Variants in ZNF528 observed in about 807,000 individuals in gnomAD.
ZNF528 encodes the protein zinc finger protein 528.
A neutral mutation model predicts 13.3 loss-of-function variants in ZNF528; 9 were observed. The ratio of observed to expected loss-of-function variants is 0.67; its 90% CI spans 0.41 to 1.18. The LOEUF is 1.18. ZNF528 is among the 50% of genes most tolerant of loss of function. The pLI is 0.01. For synonymous variants in ZNF528, 264 were observed against 254.3 expected (o/e 1.04, Z -0.36); for missense variants, 858 against 745.4 (o/e 1.15, Z -1.76).
rs545560687 is a variant in ZNF528 at position 52,414,239 on chromosome 19, C to T, written c.272-885C>T. ...CCAGCAGAACCTTCTTTGTTCACGT[C>T]CTCAAAGTCCTATGTTCGGAGGCCA... On this transcript the variant is annotated intron_variant, in intron 6 of 6. Coordinates refer to ENST00000360465, the MANE Select transcript of ZNF528 (RefSeq NM_032423.3). 64 of 702,574 alleles carry T rather than the reference C, an allele frequency of 9.1e-5. No homozygotes were observed. The African/African-American group carries it at 1.1e-3, about 12-fold the overall frequency. The allele number at this position is 702,574 out of a possible 1,614,324, so 43.5% of individuals were successfully genotyped here.
At chr19:52,414,331 C>T (rs906265161) in intron 6 of ZNF528, 4 of 702,268 alleles carry the variant, frequency 5.7e-6, no homozygotes, top group African/African-American at 5.2e-5. Flanking sequence ...CCTTGGGGGA[C>T]TGAACGAAGG....
intron 6 of ZNF528, chr19:52,412,963 T>C (rs1477398343): frequency 6.6e-6 from 1 of 152,222 alleles, no homozygotes; most frequent in Non-Finnish European, 1.5e-5. Flanking sequence ...CAGGTGCCAG[T>C]GCACATTTAC....
At position 52,402,757 on chromosome 19, in the gene ZNF528, A is replaced by G. The variant is rs148411165; in HGVS notation, c.15+729A>G. Among the ~76,000 whole-genome samples, 1,207 of 152,306 alleles carry G rather than the reference A, an allele frequency of 7.9e-3. 19 individuals carry two copies. The highest frequency in any genetic ancestry group is 0.037 in the Middle Eastern group (11 of 294). ...CTGAGGTATTTTCTTTGCCCTTAAT[A>G]TGTTAAATTAGTACATTAATTTCCT... On this transcript the variant is annotated intron_variant, in intron 4 of 6. Coordinates refer to ENST00000360465, the MANE Select transcript of ZNF528 (RefSeq NM_032423.3).
intron 6 of ZNF528, chr19:52,414,911 T>A: frequency 6.7e-7 from 1 of 1,492,914 alleles, no homozygotes; most frequent in Non-Finnish European, 8.9e-7. Flanking sequence ...TGTTTCAGAT[T>A]TACCCATAAT....
At chr19:52,414,128 C>G (rs537115435) in intron 6 of ZNF528, 4 of 690,146 alleles carry the variant, frequency 5.8e-6, no homozygotes, top group South Asian at 4.6e-5. Context: ...GCTCCCAGTA[C>G]CTCTTCAGGG....
chr19:52,401,589 T>C, intron 2 of ZNF528, 96 bp from the exon 3 acceptor site: 1 of 1,070,500 alleles, frequency 9.3e-7, no homozygotes. Flanking sequence ...TGAGAGCGTT[T>C]TGTATTTTTA....
Position 52,418,393 on chromosome 19 carries a change from T to G in ZNF528, c.*1654T>G, listed in dbSNP as rs1227150976. On this transcript the variant is annotated 3_prime_UTR_variant, in exon 7 of 7. Transcript: ENST00000360465. ...CATGTTTGTAGTAATAAAGTTTCAT[T>G]TTTCCTAAGTATGAATGAATCGTGT... The G allele has an allele frequency of 6.6e-6, 1 of 152,194 alleles. No homozygotes were observed. The highest frequency in any genetic ancestry group is 1.5e-5 in the Non-Finnish European group (1 of 68,024). 9.4% of individuals were successfully genotyped at this position (152,194 alleles called of 1,614,324 possible). A position where few individuals can be genotyped will look rare whatever the true frequency, so the allele number is the denominator to read the frequency against.
rs777235928 is a variant in ZNF528, at chr19:52,415,579, TGTC to T, written c.728_730del (p.Cys243_His244delinsTyr). ...GCATACTGGAGAGAAGCCTTACAAATGTCATGAATGTGGCAAGCTCTTCAGTAG... is the reference window on the plus strand; with the variant it reads ...GCATACTGGAGAGAAGCCTTACAAATATGAATGTGGCAAGCTCTTCAGTAG... On this transcript the variant is annotated inframe_deletion, in exon 7 of 7. Transcript: ENST00000360465. The T allele has an allele frequency of 6.2e-7, 1 of 1,614,172 alleles. No homozygotes were observed. Among genetic ancestry groups the T allele is most frequent in the South Asian group, 1.1e-5 (1 of 91,086 alleles).
chr19:52,414,966 C>G, intron 6 of ZNF528, 158 bp from the exon 7 acceptor site: 6 of 1,536,968 alleles, frequency 3.9e-6, no homozygotes, highest in Non-Finnish European at 5.2e-6. Context: ...TGCATCACCT[C>G]AGTTCCTTGT....
At chr19:52,403,168 G>A (rs1473754509) in intron 4 of ZNF528, among the ~76,000 whole-genome samples, 1 of 152,154 alleles carries the variant, frequency 6.6e-6, no homozygotes, top group Non-Finnish European at 1.5e-5. Context: ...AATACACATT[G>A]GGAAAAATAG....
rs115564661 is a variant in ZNF528 at position 52,416,979 on chromosome 19, C to G, written c.*240C>G. 3 of 474,748 alleles carry G rather than the reference C, an allele frequency of 6.3e-6. No homozygotes were observed. The allele number at this position is 474,748 out of a possible 1,614,324, so 29.4% of individuals were successfully genotyped here. A position where few individuals can be genotyped will look rare whatever the true frequency, so the allele number is the denominator to read the frequency against. The stretch of plus-strand genomic sequence containing the variant: ...GCTATAGAACACGATAGGATTTACA[C>G]AAGAAGTAACTCTGTCTCTGGTTCT... On this transcript the variant is annotated 3_prime_UTR_variant, in exon 7 of 7. Coordinates refer to ENST00000360465, the MANE Select transcript of ZNF528 (RefSeq NM_032423.3).
rs772083292 is a variant in ZNF528 at position 52,415,989 on chromosome 19, A to G, written c.1137A>G (p.Lys379=). The change falls in exon 7 of 7, where the codon AAA becomes AAG. Residue 379 remains lysine, a synonymous_variant. Coordinates refer to ENST00000360465, the MANE Select transcript of ZNF528 (RefSeq NM_032423.3). ...ITHQLIHTGR[K]PYKCKECDKV... ...ATCAGTTAATTCACACTGGAAGGAAACCTTACAAATGTAAAGAATGTGACA... is the reference window on the plus strand; with the variant it reads ...ATCAGTTAATTCACACTGGAAGGAAGCCTTACAAATGTAAAGAATGTGACA... 12 of 1,613,740 alleles carry G rather than the reference A, an allele frequency of 7.4e-6. No individual in the cohort carries two copies. The Admixed American group carries it at 1.7e-4, about 22-fold the overall frequency.
At chr19:52,399,036 G>A (rs540582445) in intron 2 of ZNF528, among the ~76,000 whole-genome samples, 1 of 152,220 alleles carries the variant, frequency 6.6e-6, no homozygotes, top group East Asian at 1.9e-4. Context: ...GGAATAAGAG[G>A]TGAAACAAGT....
chr19:52,414,649 C>A (rs2122593123), intron 6 of ZNF528: 1 of 398,204 alleles, frequency 2.5e-6, no homozygotes. Flanking sequence ...CCACATCCTG[C>A]ATTCATGATA....
At chr19:52,414,805 T>C (rs2058978193) in intron 6 of ZNF528, 1 of 571,264 alleles carries the variant, frequency 1.8e-6, no homozygotes, top group South Asian at 1.7e-5. Flanking sequence ...TTAATGTCTA[T>C]ACAGCTCTTC....
At chr19:52,414,915 C>T (rs769462136) in intron 6 of ZNF528, 1 of 1,485,040 alleles carries the variant, frequency 6.7e-7, no homozygotes, top group South Asian at 1.2e-5. Context: ...TCAGATTTAC[C>T]CATAATTCTC....
At chr19:52,414,400 CCTT>C (rs1183306413) in intron 6 of ZNF528, 14 of 682,692 alleles carry the variant, frequency 2.1e-5, no homozygotes, top group South Asian at 6.2e-5. Context: ...TCAGGGGGCT[CCTT>C]CTAGTGAACA....
At chr19:52,403,287 G>C (rs2058816063) in intron 4 of ZNF528, among the ~76,000 whole-genome samples, 1 of 152,170 alleles carries the variant, frequency 6.6e-6, no homozygotes, top group South Asian at 2.1e-4. Flanking sequence ...GCTGTGAATA[G>C]CCACTGCCAT....
chr19:52,409,612 T>G (rs1599831331), intron 6 of ZNF528, among the ~76,000 whole-genome samples: 1 of 152,220 alleles, frequency 6.6e-6, no homozygotes, highest in East Asian at 1.9e-4. Flanking sequence ...GAGATTTGGG[T>G]TTTTTTGTTT....
Sources: gnomAD v4.1 joint callset for allele counts (sites outside exome capture counted in the v4.1 genomes callset) on GRCh38, gnomAD v4.1.1 for gene constraint, MANE v1.5 for transcripts, NCBI Gene and HGNC (gene_info 2026-07-23, HGNC 2026-07-21) for gene names.